Variants in DPYD observed in about 807,000 individuals in gnomAD.
DPYD encodes dihydropyrimidine dehydrogenase [NADP(+)].
DPYD carries 109 observed loss-of-function variants against 116.2 expected under a neutral mutation model. The observed-to-expected ratio is 0.94, with a 90% confidence interval of 0.80 to 1.10. DPYD has a LOEUF of 1.10. DPYD is among the 50% of genes least tolerant of loss of function. The pLI is 0.00. For missense variants in DPYD, 1,302 were observed against 1,254.5 expected (o/e 1.04, Z -0.57); for synonymous variants, 440 against 432.0 (o/e 1.02, Z -0.23).
intron 14 of DPYD, among the ~76,000 whole-genome samples, chr1:97,408,660 T>G (rs897387153): frequency 6.6e-6 from 1 of 152,144 alleles, no homozygotes; most frequent in Non-Finnish European, 1.5e-5. Context: ...GTATTGTTCC[T>G]AATTGTGTCT....
intron 19 of DPYD, among the ~76,000 whole-genome samples, chr1:97,223,038 G>A (rs1660878248): frequency 6.6e-6 from 1 of 152,032 alleles, no homozygotes; most frequent in Admixed American, 6.6e-5. Context: ...TAAAGTTGAA[G>A]CAATGAAGCC....
intron 12 of DPYD, among the ~76,000 whole-genome samples, chr1:97,544,674 GA>G (rs147676795): frequency 2.6e-4 from 36 of 140,944 alleles, no homozygotes; most frequent in East Asian, 1.6e-3. Flanking sequence ...GAAATGAACA[GA>G]AAAAAAAAAA....
Position 97,553,790 on chromosome 1 carries a change from A to G in DPYD, c.1340-4046T>C, listed in dbSNP as rs1050258177. On this transcript the variant is annotated intron_variant, in intron 11 of 22. Coordinates refer to ENST00000370192, the MANE Select transcript of DPYD (RefSeq NM_000110.4). ...TCCCAGGAGCTCCATAGTTGAACAG[A>G]AAAAGAACTTGAAAAAGAATCCCAA... Among the ~76,000 whole-genome samples the G allele has an allele frequency of 2.0e-5, 3 of 152,106 alleles. No individual in the cohort carries two copies. In the East Asian group the frequency reaches 5.8e-4, roughly 29 times the overall value.
At chr1:97,836,865 T>C (rs1034434548) in intron 2 of DPYD, among the ~76,000 whole-genome samples, 4 of 152,110 alleles carry the variant, frequency 2.6e-5, no homozygotes, top group Non-Finnish European at 5.9e-5. Flanking sequence ...GCCTAAGATT[T>C]CCATATACTG....
chr1:97,584,350 T>C (rs2102222510), intron 10 of DPYD, among the ~76,000 whole-genome samples: 1 of 152,064 alleles, frequency 6.6e-6, no homozygotes, highest in East Asian at 1.9e-4. Context: ...TTTTCTCCCA[T>C]TCTGTAGGTT....
intron 20 of DPYD, among the ~76,000 whole-genome samples, chr1:97,162,975 T>C (rs1656039847): frequency 6.6e-6 from 1 of 151,656 alleles, no homozygotes; most frequent in African/African-American, 2.4e-5. Flanking sequence ...TATACAAAAA[T>C]TAATTCAAGA....
intron 14 of DPYD, among the ~76,000 whole-genome samples, chr1:97,434,461 T>C (rs1367279369): frequency 6.6e-6 from 1 of 152,060 alleles, no homozygotes; most frequent in Non-Finnish European, 1.5e-5. Flanking sequence ...TTTCCTTGGA[T>C]TGGGTACAAA....
chr1:97,429,263 A>G (rs931062851), intron 14 of DPYD, among the ~76,000 whole-genome samples: 2 of 152,078 alleles, frequency 1.3e-5, no homozygotes, highest in African/African-American at 2.4e-5. Context: ...ATGTAGGAGT[A>G]GAAATATTGG....
chr1:97,419,708 A>T (rs1674479034), intron 14 of DPYD, among the ~76,000 whole-genome samples: 1 of 152,150 alleles, frequency 6.6e-6, no homozygotes, highest in African/African-American at 2.4e-5. Context: ...ACAGTTCTGC[A>T]ACTTGGACTA....
At chr1:97,173,328 A>AGTG (rs1491570518) in intron 20 of DPYD, among the ~76,000 whole-genome samples, 5 of 148,662 alleles carry the variant, frequency 3.4e-5, no homozygotes, top group African/African-American at 1.2e-4. Flanking sequence ...ATATATACAC[A>AGTG]TATATGTGTA....
At chr1:97,265,047 G>A (rs1002005632) in intron 18 of DPYD, among the ~76,000 whole-genome samples, 11 of 151,956 alleles carry the variant, frequency 7.2e-5, no homozygotes, top group Non-Finnish European at 1.6e-4. Context: ...GTTCATCCGT[G>A]GACAGTGCCA....
At chr1:97,866,298 G>A (rs1175547809) in intron 2 of DPYD, among the ~76,000 whole-genome samples, 2 of 151,932 alleles carry the variant, frequency 1.3e-5, no homozygotes, top group Non-Finnish European at 1.5e-5. Context: ...GCTTCCACAA[G>A]ACAGCTTCTT....
intron 18 of DPYD, among the ~76,000 whole-genome samples, chr1:97,269,162 C>T (rs777307943): frequency 6.6e-6 from 1 of 151,962 alleles, no homozygotes; most frequent in South Asian, 2.1e-4. Flanking sequence ...TTTTTTGCAA[C>T]TGCACAAGGA....
At chr1:97,277,670 T>C (rs1484137265) in intron 18 of DPYD, among the ~76,000 whole-genome samples, 1 of 152,168 alleles carries the variant, frequency 6.6e-6, no homozygotes, top group Non-Finnish European at 1.5e-5. Flanking sequence ...AATTCCTCCA[T>C]TGCTACTACA....
chr1:97,587,440 G>C (rs1290544872), intron 10 of DPYD, among the ~76,000 whole-genome samples: 2 of 152,242 alleles, frequency 1.3e-5, no homozygotes, highest in South Asian at 2.1e-4. Flanking sequence ...AATTAAATTT[G>C]TCAGCTTATG....
chr1:97,749,011 C>T (rs1268872540), intron 3 of DPYD, among the ~76,000 whole-genome samples: 2 of 152,122 alleles, frequency 1.3e-5, no homozygotes, highest in African/African-American at 4.8e-5. Context: ...CTGAAGGATG[C>T]AACTGGTAAG....
chr1:97,549,519 C>G, intron 12 of DPYD, 41 bp downstream of exon 12: 1 of 1,597,776 alleles, frequency 6.3e-7, no homozygotes, highest in Non-Finnish European at 8.6e-7. Context: ...AGCACTTATC[C>G]ATTGGAAAAG....
At chr1:97,678,491 T>G (rs1660262371) in intron 8 of DPYD, among the ~76,000 whole-genome samples, 1 of 152,184 alleles carries the variant, frequency 6.6e-6, no homozygotes, top group African/African-American at 2.4e-5. Context: ...GCCAACTTAC[T>G]TGTTCTCTCT....
intron 8 of DPYD, among the ~76,000 whole-genome samples, chr1:97,662,718 T>C (rs1659338526): frequency 6.6e-6 from 1 of 152,052 alleles, no homozygotes; most frequent in South Asian, 2.1e-4. Context: ...ATCATGAAAA[T>C]CCCTCTAGCC....
Sources: gnomAD v4.1 joint callset for allele counts (sites outside exome capture counted in the v4.1 genomes callset) on GRCh38, gnomAD v4.1.1 for gene constraint, MANE v1.5 for transcripts, NCBI Gene and HGNC (gene_info 2026-07-23, HGNC 2026-07-21) for gene names.